RRN3: variants seen among roughly 807,000 people sequenced by gnomAD.
RRN3 encodes RNA polymerase I transcription factor RRN3, also known as RNA polymerase I-specific transcription initiation factor RRN3.
RRN3 carries 38 observed loss-of-function variants against 82.3 expected under a neutral mutation model. The observed-to-expected ratio is 0.46, with a 90% CI of 0.36 to 0.61. The LOEUF (loss-of-function observed/expected upper bound fraction) is 0.61. Ranked by LOEUF, RRN3 falls within the 20% of genes least tolerant of loss-of-function variation. The probability of loss-of-function intolerance (pLI) is 0.00; values close to 1 mark genes in which losing one functional copy is unlikely to be tolerated. For synonymous variants in RRN3, 284 were observed against 284.3 expected (o/e 1.00, Z 0.01); for missense variants, 726 against 793.1 (o/e 0.92, Z 1.02).
chr16:15,063,810 G>A (rs1402733684), intron 16 of RRN3, among the ~76,000 whole-genome samples: 1 of 151,610 alleles, frequency 6.6e-6, no homozygotes, highest in East Asian at 1.9e-4. Context: ...CACTCATGTC[G>A]ATGGAGTATT....
At chr16:15,067,143 A>T (rs2045014939) in intron 15 of RRN3, among the ~76,000 whole-genome samples, 1 of 151,126 alleles carries the variant, frequency 6.6e-6, no homozygotes, top group African/African-American at 2.4e-5. Flanking sequence ...AAGAGAGGAC[A>T]CCTTGAACCA....
At chr16:15,083,732 T>C (rs1367357810) in intron 7 of RRN3, 150 bp from the exon 8 acceptor site, 2 of 1,131,250 alleles carry the variant, frequency 1.8e-6, no homozygotes, top group African/African-American at 1.6e-5. Flanking sequence ...TTTTTGTTTT[T>C]TGAGACGGAG....
intron 12 of RRN3, among the ~76,000 whole-genome samples, chr16:15,071,695 G>A (rs534957971): frequency 2.6e-5 from 4 of 152,316 alleles, no homozygotes; most frequent in Admixed American, 6.5e-5. Flanking sequence ...TTGAACCCAG[G>A]AGGCAGAGGT....
intron 12 of RRN3, 126 bp downstream of exon 12, chr16:15,072,824 G>C (rs984789515): frequency 8.6e-6 from 8 of 933,676 alleles, no homozygotes; most frequent in Non-Finnish European, 1.3e-5. Flanking sequence ...TTATTAAGCA[G>C]ACTAGCAAGT....
In RRN3 at chr16:15,084,683, T is replaced by C. The variant is rs545051054; in HGVS notation, c.555A>G (p.Thr185=). 1.3e-5 allele frequency: 21 copies of C among 1,613,094 alleles called. No homozygotes were observed. In the East Asian group the frequency reaches 2.9e-4, roughly 22 times the overall value. Residue 185 remains threonine (T), a synonymous_variant, in exon 7 of 18, where the codon ACA becomes ACG. Coordinates refer to ENST00000198767, the MANE Select transcript of RRN3 (RefSeq NM_018427.5). ...EDDNLPANFD[T]CHRALQIIAR... is the part of the protein sequence containing the mutation. Reference sequence around the variant, plus strand: ...CTATTATTTGCAAGGCTCTGTGACATGTGTCAAAATTTGCAGGAAGATCTG... The same window carrying C: ...CTATTATTTGCAAGGCTCTGTGACACGTGTCAAAATTTGCAGGAAGATCTG...
chr16:15,068,106 A>G, intron 15 of RRN3, 63 bp downstream of exon 15: 2 of 1,500,150 alleles, frequency 1.3e-6, no homozygotes, highest in African/African-American at 1.4e-5. Flanking sequence ...CTCTTACAAT[A>G]CTAGATAAAC....
rs866520521 is a variant in RRN3 at position 15,065,128 on chromosome 16, C to T, written c.1706+91G>A. 213 of 1,317,740 alleles carry T rather than the reference C, an allele frequency of 1.6e-4. 2 individuals carry two copies. In the Middle Eastern group the frequency reaches 2.9e-3, roughly 18 times the overall value. 81.6% of individuals were successfully genotyped at this position (1,317,740 alleles called of 1,614,324 possible). ...TTGCGGTAAGCCGAGATCACACCAC[C>T]GCACTCCAGCCTGGGCGACAGAGTG... On this transcript the variant is annotated intron_variant, in intron 16 of 17. Coordinates refer to ENST00000198767, the MANE Select transcript of RRN3 (RefSeq NM_018427.5).
rs761062517 is a variant in RRN3 at position 15,094,211 on chromosome 16, G to T, written c.23C>A (p.Thr8Lys). 13 of 1,596,124 alleles carry T rather than the reference G, an allele frequency of 8.1e-6. No homozygotes were observed. The highest frequency in any genetic ancestry group is 1.0e-5 in the Non-Finnish European group (12 of 1,171,998). MAAPLLH[T>K]RLPGDAAASS... The stretch of plus-strand genomic sequence containing the variant: ...AGCGGCCGCATCTCCCGGCAAACGC[G>T]TGTGAAGCAGCGGTGCCGCCATTGG... The change falls in exon 1 of 18, where the codon ACG (threonine) becomes AAG (lysine). Residue 8 changes from threonine (T) to lysine (K), a missense_variant. Thr to Lys is a moderately conservative substitution (Grantham distance 78, BLOSUM62 -1). Coordinates refer to ENST00000198767, the MANE Select transcript of RRN3 (RefSeq NM_018427.5).
chr16:15,088,172 T>A (rs1469144019), intron 3 of RRN3, among the ~76,000 whole-genome samples: 1 of 151,564 alleles, frequency 6.6e-6, no homozygotes, highest in Non-Finnish European at 1.5e-5. Flanking sequence ...AGTACTGAAC[T>A]ATTATTATTT....
intron 10 of RRN3, 196 bp downstream of exon 10, chr16:15,076,362 C>T: frequency 1.7e-6 from 1 of 604,970 alleles, no homozygotes; most frequent in South Asian, 2.1e-5. Context: ...AACCCAAATT[C>T]AAAGCCTTGG....
intron 10 of RRN3, 41 bp downstream of exon 10, chr16:15,076,517 A>G (rs373634793): frequency 1.5e-6 from 2 of 1,323,650 alleles, no homozygotes; most frequent in South Asian, 2.3e-5. Flanking sequence ...TCCACCCTTT[A>G]TGATAAACTT....
At chr16:15,075,853 C>T (rs954258977) in intron 10 of RRN3, among the ~76,000 whole-genome samples, 1 of 152,184 alleles carries the variant, frequency 6.6e-6, no homozygotes, top group African/African-American at 2.4e-5. Flanking sequence ...GCTGTGAGTA[C>T]TGGCGGCCAA....
intron 9 of RRN3, among the ~76,000 whole-genome samples, chr16:15,077,996 A>G (rs1488289699): frequency 6.6e-6 from 1 of 152,224 alleles, no homozygotes; most frequent in Non-Finnish European, 1.5e-5. Flanking sequence ...AAAATGATGA[A>G]CTGCCAGCCA....
intron 3 of RRN3, among the ~76,000 whole-genome samples, chr16:15,087,881 G>A (rs1175539413): frequency 3.3e-5 from 5 of 152,104 alleles, no homozygotes; most frequent in Admixed American, 2.0e-4. Flanking sequence ...TTGGGAGGCC[G>A]AGGTGGGTGG....
chr16:15,091,365 T>C lies in RRN3; in HGVS notation c.202A>G (p.Thr68Ala), dbSNP rs2046123909. The change falls in exon 3 of 18, where the codon ACA (threonine) becomes GCA (alanine). Residue 68 changes from threonine to alanine, a missense_variant. Physicochemically the swap from Thr to Ala is moderately conservative, Grantham distance 58. Transcript: ENST00000198767. The stretch of plus-strand genomic sequence containing the variant: ...TTCTTCAACAACTCAAAGTCATTTG[T>C]TTCACCCTTAACAAGAAGGGGAAAG... Reference protein sequence around the residue: ...EVLLKYKKGETNDFELLKNQL... With the variant: ...EVLLKYKKGEANDFELLKNQL... 6.3e-7 allele frequency: 1 copy of C among 1,589,412 alleles called. No individual in the cohort carries two copies. The highest frequency in any genetic ancestry group is 8.6e-7 in the Non-Finnish European group (1 of 1,163,126).
At chr16:15,088,989 T>G (rs540678258) in intron 3 of RRN3, among the ~76,000 whole-genome samples, 1 of 152,104 alleles carries the variant, frequency 6.6e-6, no homozygotes, top group South Asian at 2.1e-4. Context: ...TCTGGGTAAA[T>G]GCATCTAACA....
At chr16:15,079,676 T>TCTGCCTCC (rs956756386) in intron 9 of RRN3, among the ~76,000 whole-genome samples, 1 of 151,870 alleles carries the variant, frequency 6.6e-6, no homozygotes, top group African/African-American at 2.4e-5. Context: ...CACTGCAAGA[T>TCTGCCTCC]CTGCCTCCCG....
In RRN3 at chr16:15,068,169, T is replaced by A. The variant is rs2045059677; in HGVS notation, c.1553A>T (p.Asn518Ile). The change falls in exon 15 of 18, where the codon AAT (asparagine) becomes ATT (isoleucine). Residue 518 changes from asparagine (N) to isoleucine (I), a missense_variant and splice_region_variant. By Grantham distance (149) the Asn-to-Ile change is moderately radical. Transcript: ENST00000198767. ...SVVNFFAAIT[N>I]KYQLVFCYTI... is the part of the protein sequence containing the mutation. ...CATCAAGAAAGCGTAAATAACTTAC[T>A]TTGTGATTGCAGCAAAAAAGTTAAC... The A allele has an allele frequency of 6.4e-7, 1 of 1,565,844 alleles. No homozygotes were observed. Among genetic ancestry groups the A allele is most frequent in the Non-Finnish European group, 8.7e-7 (1 of 1,152,200 alleles).
chr16:15,092,636 G>A (rs766648808), intron 1 of RRN3, 22 bp from the exon 2 acceptor site: 15 of 1,367,480 alleles, frequency 1.1e-5, no homozygotes, highest in Non-Finnish European at 8.3e-6. Context: ...AGATTAACAA[G>A]CTATTAAGTT....
Sources: allele counts gnomAD v4.1 joint callset (sites outside exome capture counted in the v4.1 genomes callset), GRCh38; gene constraint gnomAD v4.1.1; transcripts MANE v1.5; gene names NCBI Gene and HGNC (gene_info 2026-07-23, HGNC 2026-07-21).